The following ACYP2 variants were observed in gnomAD, a reference collection of about 807,000 sequenced individuals.
The protein encoded by ACYP2 is acylphosphatase 2, also known as acylphosphatase-2.
In ACYP2, 12 loss-of-function variants were observed where a neutral mutation model predicts 11.2. That is an observed-to-expected ratio of 1.08 (90% CI 0.69 to 1.74). ACYP2 has a LOEUF of 1.74. Among genes scored for constraint, ACYP2 ranks in the 40% most tolerant of loss-of-function variants. The pLI is 0.00. For missense variants in ACYP2, 134 were observed against 101.9 expected, an observed-to-expected ratio of 1.31 and a Z score of -1.35; for synonymous variants, 43 against 32.2, an observed-to-expected ratio of 1.33 and a Z score of -1.13.
chr2:54,167,986 C>T lies in ACYP2; in HGVS notation c.404+29238C>T, dbSNP rs552714157. ...CTTGGGCCCAGTGCCACCCCAGAGC[C>T]TCATTCCATCCCATTTCTCCATCCC... On this transcript the variant is annotated intron_variant, in intron 6 of 6. Coordinates refer to ENST00000607452, the MANE Select transcript of ACYP2 (RefSeq NM_001320586.2). Among the ~76,000 whole-genome samples, 13 of 152,328 alleles carry T rather than the reference C, an allele frequency of 8.5e-5. No individual in the cohort carries two copies. The South Asian group carries it at 2.3e-3, about 27-fold the overall frequency.
Position 54,053,570 on chromosome 2 carries a change from C to T in ACYP2, c.155+2520C>T, listed in dbSNP as rs963470854. Among the ~76,000 whole-genome samples the T allele has an allele frequency of 5.3e-5, 8 of 152,218 alleles. No individual in the cohort carries two copies. In the South Asian group the frequency reaches 1.4e-3, roughly 28 times the overall value. On this transcript the variant is annotated intron_variant, in intron 3 of 6. Transcript: ENST00000607452. Reference sequence around the variant, plus strand: ...TCCCCCTGTGTACACCCAGCTTGCCCACCGGCTCTGACTTGCCTGCCCCAA... The same window carrying T: ...TCCCCCTGTGTACACCCAGCTTGCCTACCGGCTCTGACTTGCCTGCCCCAA...
intron 2 of ACYP2, among the ~76,000 whole-genome samples, chr2:53,976,500 C>T (rs1001380736): frequency 5.9e-5 from 9 of 152,182 alleles, no homozygotes; most frequent in Non-Finnish European, 1.2e-4. Flanking sequence ...AGCCACCACA[C>T]CTGGCCAGAA....
intron 6 of ACYP2, among the ~76,000 whole-genome samples, chr2:54,157,802 G>A (rs1211063036): frequency 6.6e-6 from 1 of 152,188 alleles, no homozygotes; most frequent in Non-Finnish European, 1.5e-5. Flanking sequence ...GCTTTCCATG[G>A]AGGTGACTTC....
intron 6 of ACYP2, among the ~76,000 whole-genome samples, chr2:54,294,344 A>C (rs1689434270): frequency 6.6e-6 from 1 of 152,200 alleles, no homozygotes; most frequent in Non-Finnish European, 1.5e-5. Context: ...TGGATTCTTC[A>C]TACATTCCAC....
chr2:54,162,123 T>C (rs1183748119), intron 6 of ACYP2, among the ~76,000 whole-genome samples: 1 of 152,210 alleles, frequency 6.6e-6, no homozygotes, highest in Non-Finnish European at 1.5e-5. Context: ...ATCTTAAAGT[T>C]GTATTTTATC....
At chr2:54,046,402 C>T (rs559524521) in intron 2 of ACYP2, among the ~76,000 whole-genome samples, 1 of 151,184 alleles carries the variant, frequency 6.6e-6, no homozygotes, top group East Asian at 2.0e-4. Flanking sequence ...TTACTTGAAC[C>T]TGGGAAGCGG....
chr2:54,013,788 A>G (rs1296769140), intron 2 of ACYP2, among the ~76,000 whole-genome samples: 3 of 152,008 alleles, frequency 2.0e-5, no homozygotes, highest in African/African-American at 7.2e-5. Context: ...AGCCTGAGAA[A>G]TGAGAAATTG....
chr2:54,106,600 A>C (rs545270557), intron 4 of ACYP2, among the ~76,000 whole-genome samples: 6 of 149,878 alleles, frequency 4.0e-5, no homozygotes, highest in African/African-American at 1.5e-4. Flanking sequence ...CAAATTTTTG[A>C]GATGGAGTCT....
chr2:54,175,160 G>C (rs1413269606), intron 6 of ACYP2, among the ~76,000 whole-genome samples: 1 of 152,074 alleles, frequency 6.6e-6, no homozygotes, highest in Non-Finnish European at 1.5e-5. Context: ...GTCTGGTCCT[G>C]GAGTTTTTTT....
chr2:54,000,854 C>T (rs145953681), intron 2 of ACYP2, among the ~76,000 whole-genome samples: 1 of 152,202 alleles, frequency 6.6e-6, no homozygotes, highest in African/African-American at 2.4e-5. Flanking sequence ...GAAGGGCAAC[C>T]TTGCCTTTGA....
intron 6 of ACYP2, among the ~76,000 whole-genome samples, chr2:54,277,204 AAC>A (rs1172158554): frequency 4.6e-5 from 7 of 152,210 alleles, no homozygotes; most frequent in African/African-American, 1.7e-4. Flanking sequence ...TTAATAAGGC[AAC>A]ACAGGCAAGA....
intron 6 of ACYP2, among the ~76,000 whole-genome samples, chr2:54,163,890 C>T (rs910082377): frequency 6.6e-6 from 1 of 152,026 alleles, no homozygotes; most frequent in Non-Finnish European, 1.5e-5. Context: ...TTATTATTTA[C>T]TGAGCATCTG....
chr2:54,290,716 GT>G (rs1689266835), intron 6 of ACYP2, among the ~76,000 whole-genome samples: 1 of 151,808 alleles, frequency 6.6e-6, no homozygotes, highest in South Asian at 2.1e-4. Flanking sequence ...AGCATTTTTG[GT>G]GGGAGATGGA....
At chr2:54,079,280 A>T (rs1447895530) in intron 4 of ACYP2, among the ~76,000 whole-genome samples, 1 of 152,182 alleles carries the variant, frequency 6.6e-6, no homozygotes, top group Non-Finnish European at 1.5e-5. Flanking sequence ...ACCAGCCAGG[A>T]GACTTGGGGA....
chr2:54,187,950 C>A (rs535608631), intron 6 of ACYP2, among the ~76,000 whole-genome samples: 12 of 152,280 alleles, frequency 7.9e-5, no homozygotes, highest in Admixed American at 1.3e-4. Context: ...CCTCTTCTGC[C>A]ATGTGAGAAC....
At chr2:54,258,077 C>T (rs1019122902) in intron 6 of ACYP2, among the ~76,000 whole-genome samples, 14 of 152,138 alleles carry the variant, frequency 9.2e-5, no homozygotes, top group South Asian at 2.1e-4. Context: ...CTGGATATAA[C>T]GGTGAACAGA....
intron 6 of ACYP2, among the ~76,000 whole-genome samples, chr2:54,203,781 T>C (rs1684953583): frequency 6.6e-6 from 1 of 150,924 alleles, no homozygotes; most frequent in Admixed American, 6.6e-5. Flanking sequence ...ATGTCAAAAC[T>C]GGAATACTCT....
intron 6 of ACYP2, among the ~76,000 whole-genome samples, chr2:54,182,225 A>G (rs535386569): frequency 6.6e-6 from 1 of 151,538 alleles, no homozygotes; most frequent in Non-Finnish European, 1.5e-5. Context: ...ACGTCAGTCT[A>G]ATTTTTGTAT....
At chr2:54,063,783 A>G (rs570089495) in intron 4 of ACYP2, among the ~76,000 whole-genome samples, 4 of 152,150 alleles carry the variant, frequency 2.6e-5, no homozygotes, top group Non-Finnish European at 4.4e-5. Context: ...GAACTCACCC[A>G]TGGGTGTGCC....
Sources: gnomAD v4.1 joint callset for allele counts (sites outside exome capture counted in the v4.1 genomes callset) on GRCh38, gnomAD v4.1.1 for gene constraint, MANE v1.5 for transcripts, NCBI Gene and HGNC (gene_info 2026-07-23, HGNC 2026-07-21) for gene names.